TMEM67: variants seen among roughly 807,000 people sequenced by gnomAD.
The protein encoded by TMEM67 is meckelin.
Under a neutral mutation model 136.6 loss-of-function variants are expected in TMEM67, and 124 were observed. That is an observed-to-expected ratio of 0.91 (90% confidence interval 0.78 to 1.05). The LOEUF (loss-of-function observed/expected upper bound fraction) is 1.05, where lower values mean the gene tolerates loss of function less well. Ranked by LOEUF, TMEM67 falls within the 50% of genes least tolerant of loss-of-function variation. The probability of loss-of-function intolerance (pLI) is 0.00; values close to 1 mark genes in which losing one functional copy is unlikely to be tolerated. For missense variants in TMEM67, 1,107 were observed against 1,178.4 expected, an observed-to-expected ratio of 0.94 and a Z score of 0.89; for synonymous variants, 364 against 390.5, an observed-to-expected ratio of 0.93 and a Z score of 0.80.
At chr8:93,832,245 C>T in the TMEM67 span, among the ~76,000 whole-genome samples, 10 of 152,200 alleles carry the variant, frequency 6.6e-5, no homozygotes, top group Non-Finnish European at 1.2e-4. Context: ...GGTCTTATCT[C>T]AAAGTCTGCT....
In TMEM67 at chr8:93,787,942, C is replaced by G; in HGVS notation, c.1511C>G (p.Ser504Cys). Residue 504 changes from serine to cysteine, a missense_variant, in exon 14 of 28, where the codon TCT becomes TGT. This residue lies in a region of TMEM67 where 925 missense variants were observed against 1,002.4 expected (regional missense o/e 0.92). Coordinates refer to ENST00000453321, the MANE Select transcript of TMEM67 (RefSeq NM_153704.6). ...GATATCAAAGATGCCAACAGCCAGT[C>G]TGTGAAGGTGAGTTCCTGACTTATT... is the stretch of plus-strand genomic sequence containing the variant. Reference protein sequence around the residue: ...DIDIKDANSQSVKVSFSVTYE... With the variant: ...DIDIKDANSQCVKVSFSVTYE... 1 of 1,611,448 alleles carries G rather than the reference C, an allele frequency of 6.2e-7. No homozygotes were observed. Among genetic ancestry groups the G allele is most frequent in the South Asian group, 1.1e-5 (1 of 91,024 alleles).
At chr8:93,822,290 C>T (rs1404294901), downstream of TMEM67, among the ~76,000 whole-genome samples, 2 of 152,234 alleles carry the variant, frequency 1.3e-5, no homozygotes, top group Non-Finnish European at 1.5e-5. Flanking sequence ...CCGTGTGATA[C>T]CACTACAAAA....
intron 26 of TMEM67, among the ~76,000 whole-genome samples, chr8:93,813,005 G>A (rs1286993573): frequency 6.6e-6 from 1 of 152,122 alleles, no homozygotes; most frequent in Non-Finnish European, 1.5e-5. Flanking sequence ...CAAAGTGCTG[G>A]GATTACAGGC....
chr8:93,809,941 A>C, intron 26 of TMEM67, 54 bp downstream of exon 26: 1 of 1,190,304 alleles, frequency 8.4e-7, no homozygotes, highest in Non-Finnish European at 1.2e-6. Flanking sequence ...AGTTTGAGAA[A>C]AAAGTGCTTG....
In TMEM67 at chr8:93,797,332, T is replaced by TGA. The variant is rs1814667437; in HGVS notation, c.1964_1965dup (p.Gly656ArgfsTer11). 4 of 1,614,058 alleles carry TGA rather than the reference T, an allele frequency of 2.5e-6. No individual in the cohort carries two copies. Among genetic ancestry groups the TGA allele is most frequent in the Non-Finnish European group, 3.4e-6 (4 of 1,179,946 alleles). On this transcript the variant is annotated frameshift_variant and splice_region_variant, in exon 20 of 28. Coordinates refer to ENST00000453321, the MANE Select transcript of TMEM67 (RefSeq NM_153704.6). LOFTEE classifies it high-confidence loss of function. ...TACTCATTTTATTTTCCTGACCAGG[T>TGA]GAGGGTGGTGTACGAAGTGCCACTG...
At chr8:93,827,067 G>A in the TMEM67 span, among the ~76,000 whole-genome samples, 1 of 152,266 alleles carries the variant, frequency 6.6e-6, no homozygotes, top group Admixed American at 6.5e-5. Context: ...CTGACCTCAG[G>A]TGATCTGCCC....
At chr8:93,809,276 C>A (rs995711789) in intron 25 of TMEM67, 115 bp downstream of exon 25, 1 of 707,226 alleles carries the variant, frequency 1.4e-6, no homozygotes, top group Non-Finnish European at 2.6e-6. Context: ...AGAACCCCCA[C>A]CTTAAGACCT....
intron 25 of TMEM67, 51 bp from the exon 26 acceptor site, chr8:93,809,734 G>A (rs1405473606): frequency 6.8e-6 from 7 of 1,035,766 alleles, no homozygotes; most frequent in African/African-American, 3.2e-5. Context: ...TAATTGCAAA[G>A]CATTTATTTC....
intron 10 of TMEM67, among the ~76,000 whole-genome samples, chr8:93,782,179 G>C (rs931212012): frequency 6.6e-6 from 1 of 152,086 alleles, no homozygotes; most frequent in South Asian, 2.1e-4. Context: ...CTCCCAAAGC[G>C]CTGGGATTGC....
At chr8:93,808,278 T>TAC (rs1198656542) in intron 23 of TMEM67, among the ~76,000 whole-genome samples, 2 of 143,878 alleles carry the variant, frequency 1.4e-5, no homozygotes, top group Non-Finnish European at 3.0e-5. Context: ...TAAATATATA[T>TAC]ACCTATTATG....
chr8:93,790,221 C>T (rs982405632), intron 14 of TMEM67, among the ~76,000 whole-genome samples: 12 of 152,210 alleles, frequency 7.9e-5, no homozygotes, highest in African/African-American at 2.9e-4. Context: ...AGCTATGTCT[C>T]TGCTCTTTAT....
chr8:93,809,245 G>T, intron 25 of TMEM67, 84 bp downstream of exon 25: 3 of 830,146 alleles, frequency 3.6e-6, no homozygotes, highest in Non-Finnish European at 6.2e-6. Flanking sequence ...ATTTCTTCAA[G>T]TCAACCAAGT....
chr8:93,792,210 C>A (rs1357301453), intron 15 of TMEM67, among the ~76,000 whole-genome samples: 1 of 150,732 alleles, frequency 6.6e-6, no homozygotes, highest in African/African-American at 2.4e-5. Flanking sequence ...CTCACTCTGT[C>A]GCCCAGTCTG....
intron 6 of TMEM67, among the ~76,000 whole-genome samples, chr8:93,771,262 A>T (rs73694942): frequency 0.025 from 3,716 of 146,062 alleles, 103 homozygotes; most frequent in African/African-American, 0.068. Flanking sequence ...TTTTTTTTTT[A>T]AAAAAAAGCT....
intron 23 of TMEM67, among the ~76,000 whole-genome samples, chr8:93,805,580 C>CAAAAAA (rs370408912): frequency 1.7e-5 from 1 of 58,788 alleles, no homozygotes. Context: ...GACTCCGTCT[C>CAAAAAA]AAAAAAAAAA....
chr8:93,817,177 T>TA lies in TMEM67; in HGVS notation c.*727dup, dbSNP rs1335802299. 1 of 152,268 alleles carries TA rather than the reference T, an allele frequency of 6.6e-6. No homozygotes were observed. The highest frequency in any genetic ancestry group is 1.5e-5 in the Non-Finnish European group (1 of 68,056). The allele number at this position is 152,268 out of a possible 1,614,324, so 9.4% of individuals were successfully genotyped here. ...TCATTTTTTATACATTTTAATTACT[T>TA]AATGTTTTAAGAGTTCTCTTCCAGA... On this transcript the variant is annotated 3_prime_UTR_variant, in exon 28 of 28. Transcript: ENST00000453321.
downstream of TMEM67, among the ~76,000 whole-genome samples, chr8:93,821,808 T>C (rs765383883): frequency 3.3e-5 from 5 of 152,062 alleles, no homozygotes; most frequent in Non-Finnish European, 7.4e-5. Flanking sequence ...GGAGGATCAC[T>C]TGAGCCCAGG....
At chr8:93,767,899 CT>C (rs1403418119) in intron 6 of TMEM67, among the ~76,000 whole-genome samples, 5 of 125,484 alleles carry the variant, frequency 4.0e-5, no homozygotes, top group Admixed American at 2.9e-4. Context: ...GAGTTTCACT[CT>C]TGTTGCCCAG....
chr8:93,776,415 T>A (rs1213083191), intron 7 of TMEM67, among the ~76,000 whole-genome samples: 1 of 152,230 alleles, frequency 6.6e-6, no homozygotes, highest in Non-Finnish European at 1.5e-5. Flanking sequence ...AGAGAGGGCA[T>A]CCCTGTCTTG....
Sources: gnomAD v4.1 joint callset for allele counts (sites outside exome capture counted in the v4.1 genomes callset) on GRCh38, gnomAD v4.1.1 for gene constraint, gnomAD v4.1.1 regional missense constraint, MANE v1.5 for transcripts, NCBI Gene and HGNC (gene_info 2026-07-23, HGNC 2026-07-21) for gene names.